Variants in CUL4A observed in about 807,000 individuals in gnomAD.
CUL4A encodes cullin-4A.
A neutral mutation model predicts 95.5 loss-of-function variants in CUL4A; 16 were observed. The observed-to-expected ratio is 0.17, with a 90% CI of 0.11 to 0.25. The LOEUF (loss-of-function observed/expected upper bound fraction) is 0.25, where lower values mean the gene tolerates loss of function less well. Ranked by LOEUF, CUL4A falls within the 10% of genes least tolerant of loss-of-function variation. The probability of loss-of-function intolerance (pLI) is 1.00; values close to 1 mark genes in which losing one functional copy is unlikely to be tolerated. For missense variants in CUL4A, 610 were observed against 937.0 expected, an observed-to-expected ratio of 0.65 and a Z score of 4.56; for synonymous variants, 380 against 353.1, an observed-to-expected ratio of 1.08 and a Z score of -0.85.
upstream of CUL4A, chr13:113,209,077 C>T (rs1718210968): frequency 4.8e-6 from 1 of 206,526 alleles, no homozygotes; most frequent in Admixed American, 6.6e-5. Flanking sequence ...CGCTCCCGAG[C>T]TCTCATAAGG....
At chr13:113,225,200 A>G (rs146871213) in intron 3 of CUL4A, among the ~76,000 whole-genome samples, 8 of 152,312 alleles carry the variant, frequency 5.3e-5, no homozygotes, top group Non-Finnish European at 7.4e-5. Flanking sequence ...GAGAAAAAGG[A>G]TGGTTGCTGA....
upstream of CUL4A, chr13:113,208,810 GC>G (rs1220934991): frequency 7.1e-7 from 1 of 1,410,426 alleles, no homozygotes; most frequent in African/African-American, 1.5e-5. Flanking sequence ...GGCTGAGGGG[GC>G]CCGGGGTCTT....
chr13:113,239,452 T>C lies in CUL4A; in HGVS notation c.936T>C (p.Asp312=). ...TCTCAGGGCTCGACCACTTACTGGA[T>C]GAGAACAGAGTGCCGGACCTCGCAC... The part of the protein sequence containing the change: ...ILQKGLDHLL[D]ENRVPDLAQM... The change falls in exon 10 of 20, where the codon GAT becomes GAC. Residue 312 remains aspartate (D), a synonymous_variant. Coordinates refer to ENST00000375440, the MANE Select transcript of CUL4A (RefSeq NM_001008895.4). The C allele has an allele frequency of 1.2e-6, 2 of 1,613,424 alleles. No individual in the cohort carries two copies. The highest frequency in any genetic ancestry group is 1.7e-6 in the Non-Finnish European group (2 of 1,179,476).
chr13:113,256,926 G>GTTTTTTTTTTTCTT (rs2042138160), intron 18 of CUL4A, among the ~76,000 whole-genome samples: 1 of 47,374 alleles, frequency 2.1e-5, no homozygotes, highest in Non-Finnish European at 3.6e-5. Flanking sequence ...TTTTTTTTTC[G>GTTTTTTTTTTTCTT]TTTTTTTTTT....
chr13:113,220,429 A>T (rs755355299), intron 3 of CUL4A, among the ~76,000 whole-genome samples: 10 of 152,228 alleles, frequency 6.6e-5, no homozygotes, highest in Non-Finnish European at 1.5e-4. Context: ...GCCAAAGTGC[A>T]CCTTATCTCA....
intron 10 of CUL4A, among the ~76,000 whole-genome samples, chr13:113,241,007 A>G (rs1430205523): frequency 6.6e-6 from 1 of 152,248 alleles, no homozygotes. Flanking sequence ...AATAAAAAAG[A>G]TAAAGCTTAC....
chr13:113,261,626 A>G (rs1039010213), intron 19 of CUL4A, among the ~76,000 whole-genome samples: 2 of 152,046 alleles, frequency 1.3e-5, no homozygotes, highest in African/African-American at 2.4e-5. Flanking sequence ...ACTGCAAACA[A>G]TCAGGCCCAG....
chr13:113,213,152 C>A (rs750813307), intron 2 of CUL4A, among the ~76,000 whole-genome samples: 8 of 152,168 alleles, frequency 5.3e-5, no homozygotes, highest in Non-Finnish European at 8.8e-5. Flanking sequence ...CTTTGGGGGG[C>A]TGAGGTGGCC....
At chr13:113,244,922 TG>T in intron 12 of CUL4A, 26 bp from the exon 13 acceptor site, 1 of 1,415,630 alleles carries the variant, frequency 7.1e-7, no homozygotes, top group South Asian at 1.2e-5. Flanking sequence ...TCTGATGTCT[TG>T]ATTATTCTCG....
rs1396181760 is a variant in CUL4A at position 113,233,315 on chromosome 13, C to T, written c.651C>T (p.Leu217=). Residue 217 remains leucine, a synonymous_variant, in exon 6 of 20, where the codon CTC becomes CTT. Transcript: ENST00000375440. The stretch of plus-strand genomic sequence containing the variant: ...TGGACCGGAGCCTGTTGCGGAGCCT[C>T]CTGGGCATGCTGTCTGACCTGCAGG... ...EAVDRSLLRS[L]LGMLSDLQVY... 1 of 1,612,986 alleles carries T rather than the reference C, an allele frequency of 6.2e-7. No homozygotes were observed. The highest frequency in any genetic ancestry group is 8.5e-7 in the Non-Finnish European group (1 of 1,179,888).
At chr13:113,240,839 C>A (rs965028226) in intron 10 of CUL4A, among the ~76,000 whole-genome samples, 2 of 152,100 alleles carry the variant, frequency 1.3e-5, no homozygotes, top group Non-Finnish European at 2.9e-5. Flanking sequence ...GTGAAAAAGA[C>A]GGGTGCGCTG....
chr13:113,228,024 G>T lies in CUL4A; in HGVS notation c.417G>T (p.Trp139Cys), dbSNP rs754476192. 12 of 1,613,324 alleles carry T rather than the reference G, an allele frequency of 7.4e-6. No individual in the cohort carries two copies. Among genetic ancestry groups the T allele is most frequent in the Non-Finnish European group, 8.5e-6 (10 of 1,179,418 alleles). The change falls in exon 4 of 20, where the codon TGG becomes TGT. Residue 139 changes from tryptophan (W) to cysteine (C), a missense_variant. Physicochemically the swap from Trp to Cys is radical, Grantham distance 215 (BLOSUM62 -2). Coordinates refer to ENST00000375440, the MANE Select transcript of CUL4A (RefSeq NM_001008895.4). ...TTTTAAAGAAGATTAACACGTGCTG[G>T]CAGGACCACTGCAGACAAATGGTAA... Reference protein sequence around the residue: ...VLFLKKINTCWQDHCRQMIMI... With the variant: ...VLFLKKINTCCQDHCRQMIMI...
Position 113,226,137 on chromosome 13 carries a change from G to C in CUL4A, c.369-1839G>C, listed in dbSNP as rs567393552. Among the ~76,000 whole-genome samples, 8 of 152,140 alleles carry C rather than the reference G, an allele frequency of 5.3e-5. No homozygotes were observed. In the East Asian group the frequency reaches 1.4e-3, roughly 26 times the overall value. ...CTACCCTCCCTGGCACTCTTTCTTT[G>C]TCAGGCCACTCGTTGCCACCCTGAG... On this transcript the variant is annotated intron_variant, in intron 3 of 19. Coordinates refer to ENST00000375440, the MANE Select transcript of CUL4A (RefSeq NM_001008895.4).
intron 19 of CUL4A, 22 bp from the exon 20 acceptor site, chr13:113,263,465 G>T (rs1197337878): frequency 2.0e-6 from 3 of 1,478,246 alleles, no homozygotes; most frequent in Non-Finnish European, 2.8e-6. Context: ...GTAATTAGGG[G>T]GGTTTTATTC....
intron 9 of CUL4A, among the ~76,000 whole-genome samples, chr13:113,237,204 C>T (rs2041573128): frequency 2.0e-5 from 3 of 152,196 alleles, no homozygotes; most frequent in African/African-American, 7.2e-5. Flanking sequence ...TCTGAGCAGA[C>T]TCATTTCCTG....
chr13:113,236,012 G>A (rs2041532283), intron 8 of CUL4A, among the ~76,000 whole-genome samples: 2 of 152,008 alleles, frequency 1.3e-5, no homozygotes, highest in Non-Finnish European at 2.9e-5. Context: ...TGCAGAACTG[G>A]ACCCAGTAGG....
chr13:113,212,717 G>A (rs1277164654), intron 2 of CUL4A, among the ~76,000 whole-genome samples: 3 of 152,144 alleles, frequency 2.0e-5, no homozygotes, highest in South Asian at 4.1e-4. Context: ...CCCGGGAGGC[G>A]GAGGTTGCAG....
At chr13:113,242,262 TCAAAA>T (rs1331655152) in intron 10 of CUL4A, among the ~76,000 whole-genome samples, 1 of 149,648 alleles carries the variant, frequency 6.7e-6, no homozygotes, top group Non-Finnish European at 1.5e-5. Flanking sequence ...AGAGTCCATC[TCAAAA>T]CAAAAAAAAA....
At position 113,265,011 on chromosome 13, in the gene CUL4A, T is replaced by G. The variant is rs2042374240; in HGVS notation, c.*1429T>G. 1 of 152,260 alleles carries G rather than the reference T, an allele frequency of 6.6e-6. No individual in the cohort carries two copies. The highest frequency in any genetic ancestry group is 1.5e-5 in the Non-Finnish European group (1 of 68,048). 9.4% of individuals were successfully genotyped at this position (152,260 alleles called of 1,614,324 possible). A position where few individuals can be genotyped will look rare whatever the true frequency, so the allele number is the denominator to read the frequency against. On this transcript the variant is annotated 3_prime_UTR_variant, in exon 20 of 20. Coordinates refer to ENST00000375440, the MANE Select transcript of CUL4A (RefSeq NM_001008895.4). ...TTAATATTGTAATTTAATGTAGACTTACTTTGAATAAAATTAGTTTAATTG... is the reference window on the plus strand; with the variant it reads ...TTAATATTGTAATTTAATGTAGACTGACTTTGAATAAAATTAGTTTAATTG...
Sources: gnomAD v4.1 joint callset for allele counts (sites outside exome capture counted in the v4.1 genomes callset) on GRCh38, gnomAD v4.1.1 for gene constraint, MANE v1.5 for transcripts, NCBI Gene and HGNC (gene_info 2026-07-23, HGNC 2026-07-21) for gene names.